Variants in GPHN observed in about 807,000 individuals in gnomAD.
GPHN encodes the protein gephyrin.
GPHN carries 17 observed loss-of-function variants against 95.5 expected under a neutral mutation model. The observed-to-expected ratio is 0.18, with a 90% CI of 0.12 to 0.27. The LOEUF is 0.27. GPHN is among the 10% of genes least tolerant of loss of function. The pLI is 1.00. For synonymous variants in GPHN, 320 were observed against 322.5 expected (o/e 0.99, Z 0.08); for missense variants, 660 against 978.1 (o/e 0.67, Z 4.34).
the GPHN span, chr14:67,363,993 T>C: frequency 6.6e-6 from 1 of 152,098 alleles, no homozygotes; most frequent in Non-Finnish European, 1.5e-5. Context: ...GTAGGTTGGG[T>C]GGATCAAAGG....
At chr14:66,960,447 ATTTG>A (rs2068820978) in intron 8 of GPHN, among the ~76,000 whole-genome samples, 1 of 151,250 alleles carries the variant, frequency 6.6e-6, no homozygotes, top group Admixed American at 6.6e-5. Flanking sequence ...AGTAGTAGTT[ATTTG>A]TTTGTTATTC....
intron 9 of GPHN, among the ~76,000 whole-genome samples, chr14:66,993,955 C>T (rs928547811): frequency 6.6e-6 from 1 of 152,060 alleles, no homozygotes; most frequent in African/African-American, 2.4e-5. Flanking sequence ...ATGAAGATAA[C>T]AGTAAGTCAA....
At chr14:66,826,276 T>C (rs951726865) in intron 4 of GPHN, among the ~76,000 whole-genome samples, 1 of 152,214 alleles carries the variant, frequency 6.6e-6, no homozygotes, top group East Asian at 1.9e-4. Context: ...GAATTCTGGC[T>C]CTGCTACTTA....
At chr14:67,199,829 A>T in the GPHN span, 2 of 1,502,028 alleles carry the variant, frequency 1.3e-6, no homozygotes, top group Non-Finnish European at 1.8e-6. Flanking sequence ...CCCACCTGGG[A>T]TACCCCCAGC....
At chr14:66,726,270 TC>T (rs1229352581) in intron 2 of GPHN, among the ~76,000 whole-genome samples, 1 of 152,192 alleles carries the variant, frequency 6.6e-6, no homozygotes, top group Non-Finnish European at 1.5e-5. Context: ...AATTTACACT[TC>T]CACCTCTCAG....
At chr14:67,614,556 G>A in the GPHN span, among the ~76,000 whole-genome samples, 5 of 151,800 alleles carry the variant, frequency 3.3e-5, no homozygotes, top group African/African-American at 1.2e-4. Context: ...TTGAGCCCAG[G>A]AGTTTAAGAC....
chr14:67,596,543 CTTA>C, the GPHN span, among the ~76,000 whole-genome samples: 1 of 152,010 alleles, frequency 6.6e-6, no homozygotes, highest in African/African-American at 2.4e-5. Context: ...CAGGAAGTGT[CTTA>C]TTATTCTTTG....
chr14:67,640,084 T>C, the GPHN span, among the ~76,000 whole-genome samples: 1 of 152,158 alleles, frequency 6.6e-6, no homozygotes. Flanking sequence ...AAGTCCATAA[T>C]GACTTTACTC....
At chr14:66,906,523 C>CT (rs1427837322) in intron 5 of GPHN, among the ~76,000 whole-genome samples, 2 of 152,160 alleles carry the variant, frequency 1.3e-5, no homozygotes, top group Admixed American at 6.5e-5. Flanking sequence ...ATCTGATATT[C>CT]TTACTGTCTG....
At chr14:67,321,358 A>C in the GPHN span, 2 of 1,093,696 alleles carry the variant, frequency 1.8e-6, no homozygotes, top group Middle Eastern at 2.6e-4. Flanking sequence ...AGCGCGACCT[A>C]ATTAAGTTCT....
chr14:66,686,155 T>C (rs2067345605), intron 2 of GPHN, among the ~76,000 whole-genome samples: 4 of 152,216 alleles, frequency 2.6e-5, no homozygotes, highest in Admixed American at 2.6e-4. Flanking sequence ...TGTAGCCTTG[T>C]AGTATAGTTT....
the GPHN span, among the ~76,000 whole-genome samples, chr14:67,331,681 A>C: frequency 3.9e-5 from 6 of 152,228 alleles, no homozygotes; most frequent in Non-Finnish European, 8.8e-5. Context: ...ATTTTGGCAC[A>C]AAATGGAATA....
At chr14:67,678,346 TCAC>T in the GPHN span, 1 of 1,613,870 alleles carries the variant, frequency 6.2e-7, no homozygotes, top group Non-Finnish European at 8.5e-7. Flanking sequence ...GCCCAGCAGG[TCAC>T]AACTGACGTC....
the GPHN span, among the ~76,000 whole-genome samples, chr14:67,280,593 A>G: frequency 6.6e-6 from 1 of 152,190 alleles, no homozygotes; most frequent in Non-Finnish European, 1.5e-5. Context: ...GGTAGAGCCA[A>G]GTTTGAATTT....
intron 9 of GPHN, among the ~76,000 whole-genome samples, chr14:67,019,015 G>T (rs1366637015): frequency 2.0e-5 from 3 of 152,126 alleles, no homozygotes; most frequent in Non-Finnish European, 4.4e-5. Flanking sequence ...ATGAATCAAA[G>T]TTCATCTCAC....
At chr14:67,456,868 G>A in the GPHN span, among the ~76,000 whole-genome samples, 5 of 152,112 alleles carry the variant, frequency 3.3e-5, no homozygotes, top group Non-Finnish European at 7.3e-5. Flanking sequence ...GAAAAGACAT[G>A]GAATCAACCT....
chr14:66,842,404 C>T (rs186774536), intron 4 of GPHN, among the ~76,000 whole-genome samples: 51 of 152,208 alleles, frequency 3.4e-4, no homozygotes, highest in Middle Eastern at 6.8e-3. Flanking sequence ...CCCATTTTGC[C>T]GTGGTGTAAA....
At chr14:67,095,473 T>C (rs923717472) in intron 12 of GPHN, among the ~76,000 whole-genome samples, 1 of 152,190 alleles carries the variant, frequency 6.6e-6, no homozygotes, top group African/African-American at 2.4e-5. Context: ...TAAAGACACA[T>C]GCACACGTAT....
chr14:67,192,454 T>C, the GPHN span, among the ~76,000 whole-genome samples: 33 of 151,954 alleles, frequency 2.2e-4, no homozygotes, highest in Admixed American at 1.0e-3. Context: ...GATATCTTAG[T>C]AAGGTGATTG....
Sources: allele counts gnomAD v4.1 joint callset (sites outside exome capture counted in the v4.1 genomes callset), GRCh38; gene constraint gnomAD v4.1.1; transcripts MANE v1.5; gene names NCBI Gene and HGNC (gene_info 2026-07-23, HGNC 2026-07-21).